NUCKS1: variants seen among roughly 807,000 people sequenced by gnomAD.
NUCKS1 encodes nuclear casein kinase and cyclin dependent kinase substrate 1.
NUCKS1 carries 2 observed loss-of-function variants against 33.0 expected under a neutral mutation model. That is an observed-to-expected ratio of 0.06 (90% CI 0.02 to 0.19). The LOEUF is 0.19. Ranked by LOEUF, NUCKS1 falls within the 10% of genes least tolerant of loss-of-function variation. The probability of loss-of-function intolerance (pLI) is 1.00; values close to 1 mark genes in which losing one functional copy is unlikely to be tolerated. For synonymous variants in NUCKS1, 106 were observed against 102.8 expected, an observed-to-expected ratio of 1.03 and a Z score of -0.19; for missense variants, 201 against 293.6, an observed-to-expected ratio of 0.68 and a Z score of 2.31.
chr1:205,747,151 A>G (rs770336815), intron 1 of NUCKS1, among the ~76,000 whole-genome samples: 2 of 152,192 alleles, frequency 1.3e-5, no homozygotes, highest in Non-Finnish European at 2.9e-5. Context: ...GGCAGAAGGT[A>G]CAGCGATCAT....
At chr1:205,731,052 T>C (rs1484354642) in intron 1 of NUCKS1, among the ~76,000 whole-genome samples, 2 of 152,202 alleles carry the variant, frequency 1.3e-5, no homozygotes, top group Non-Finnish European at 2.9e-5. Flanking sequence ...AAAATTATGG[T>C]AATGTTAAGC....
intron 4 of NUCKS1, among the ~76,000 whole-genome samples, chr1:205,722,772 G>C (rs1671944999): frequency 6.6e-6 from 1 of 152,200 alleles, no homozygotes; most frequent in Admixed American, 6.5e-5. Context: ...ACTGCCTCTA[G>C]ACTAAACCAT....
chr1:205,732,797 T>TAAAAAAAAAAAAAAAAA (rs1653947549), intron 1 of NUCKS1, among the ~76,000 whole-genome samples: 1 of 63,914 alleles, frequency 1.6e-5, no homozygotes, highest in African/African-American at 5.0e-5. Flanking sequence ...AAAAAAAAAG[T>TAAAAAAAAAAAAAAAAA]TAAGATGGTA....
intron 1 of NUCKS1, among the ~76,000 whole-genome samples, chr1:205,742,830 A>C (rs1421883439): frequency 6.6e-6 from 1 of 151,562 alleles, no homozygotes; most frequent in African/African-American, 2.4e-5. Flanking sequence ...GTCTCAAAGA[A>C]AAAAAAATAA....
At chr1:205,742,103 C>T (rs989345276) in intron 1 of NUCKS1, among the ~76,000 whole-genome samples, 1 of 152,196 alleles carries the variant, frequency 6.6e-6, no homozygotes, top group African/African-American at 2.4e-5. Flanking sequence ...TAAGAGATAG[C>T]AGCACCGACT....
chr1:205,720,366 CTT>C, intron 5 of NUCKS1, 133 bp downstream of exon 5: 1 of 803,208 alleles, frequency 1.2e-6, no homozygotes, highest in East Asian at 2.5e-5. Context: ...ACAGTCATCT[CTT>C]TTAACACGGA....
At chr1:205,741,361 G>A (rs1654169780) in intron 1 of NUCKS1, among the ~76,000 whole-genome samples, 1 of 150,578 alleles carries the variant, frequency 6.6e-6, no homozygotes, top group Non-Finnish European at 1.5e-5. Context: ...ATTTCAATGA[G>A]CATAAGATAA....
chr1:205,737,364 C>T (rs1654057537), intron 1 of NUCKS1, among the ~76,000 whole-genome samples: 1 of 152,170 alleles, frequency 6.6e-6, no homozygotes, highest in African/African-American at 2.4e-5. Flanking sequence ...TTTATCTTCC[C>T]CAACTTCTTA....
chr1:205,719,703 C>T (rs747018797), intron 5 of NUCKS1, 27 bp from the exon 6 acceptor site: 8 of 1,603,428 alleles, frequency 5.0e-6, no homozygotes, highest in Non-Finnish European at 5.1e-6. Context: ...ATTTCAACAT[C>T]TAACTTAATG....
intron 1 of NUCKS1, among the ~76,000 whole-genome samples, chr1:205,744,557 A>G (rs1654263968): frequency 6.6e-6 from 1 of 151,536 alleles, no homozygotes; most frequent in East Asian, 1.9e-4. Context: ...CATAACTTAC[A>G]TGGTGGCAAA....
intron 1 of NUCKS1, among the ~76,000 whole-genome samples, chr1:205,748,178 C>A (rs972308965): frequency 3.3e-5 from 5 of 152,116 alleles, no homozygotes; most frequent in Non-Finnish European, 7.4e-5. Flanking sequence ...CATAAAAAAT[C>A]CAAGTTTTCC....
At chr1:205,727,867 T>C in intron 2 of NUCKS1, 62 bp from the exon 3 acceptor site, 1 of 1,047,332 alleles carries the variant, frequency 9.5e-7, no homozygotes, top group Admixed American at 1.9e-5. Context: ...CACCACTATA[T>C]TTACTGACAT....
chr1:205,723,392 C>T (rs1671953923), intron 4 of NUCKS1, among the ~76,000 whole-genome samples: 1 of 152,014 alleles, frequency 6.6e-6, no homozygotes, highest in South Asian at 2.1e-4. Context: ...GCCATGGAGA[C>T]TCCCCATTAA....
chr1:205,723,406 A>G (rs933623338), intron 4 of NUCKS1, among the ~76,000 whole-genome samples: 50 of 152,202 alleles, frequency 3.3e-4, no homozygotes, highest in African/African-American at 1.0e-3. Context: ...CCATTAATTC[A>G]TATTAATTTA....
intron 1 of NUCKS1, among the ~76,000 whole-genome samples, chr1:205,748,715 G>A (rs1300531011): frequency 6.6e-6 from 1 of 152,146 alleles, no homozygotes; most frequent in Non-Finnish European, 1.5e-5. Flanking sequence ...CCTTGCCAGG[G>A]TCCCAAACCT....
chr1:205,743,808 A>C (rs751450817), intron 1 of NUCKS1, among the ~76,000 whole-genome samples: 2 of 152,164 alleles, frequency 1.3e-5, no homozygotes, highest in Non-Finnish European at 2.9e-5. Flanking sequence ...AGTTTCCAAG[A>C]GCCTACTGAT....
At chr1:205,729,816 G>A (rs1293777455) in intron 1 of NUCKS1, among the ~76,000 whole-genome samples, 195 bp from the exon 2 acceptor site, 6 of 152,144 alleles carry the variant, frequency 3.9e-5, no homozygotes, top group African/African-American at 1.4e-4. Flanking sequence ...GAGGTTGGGA[G>A]TTTGAGATCA....
chr1:205,718,998 T>C (rs749892393), intron 6 of NUCKS1, among the ~76,000 whole-genome samples: 7 of 152,128 alleles, frequency 4.6e-5, no homozygotes, highest in Non-Finnish European at 8.8e-5. Context: ...AAAAAGCAAA[T>C]TGATTTCTGA....
chr1:205,742,959 C>T (rs961710110), intron 1 of NUCKS1, among the ~76,000 whole-genome samples: 1 of 152,190 alleles, frequency 6.6e-6, no homozygotes, highest in African/African-American at 2.4e-5. Flanking sequence ...TAGAGTAATA[C>T]GGTCACATTC....
Sources: allele counts gnomAD v4.1 joint callset (sites outside exome capture counted in the v4.1 genomes callset), GRCh38; gene constraint gnomAD v4.1.1; transcripts MANE v1.5; gene names NCBI Gene and HGNC (gene_info 2026-07-23, HGNC 2026-07-21).